The following ITPKB variants were observed in gnomAD, a reference collection of about 807,000 sequenced individuals.
ITPKB encodes the protein inositol-trisphosphate 3-kinase B, also known as IP3 3-kinase B.
Under a neutral mutation model 69.4 loss-of-function variants are expected in ITPKB, and 13 were observed. The ratio of observed to expected loss-of-function variants is 0.19; its 90% confidence interval spans 0.12 to 0.30. The LOEUF (loss-of-function observed/expected upper bound fraction) is 0.30, where lower values mean the gene tolerates loss of function less well. Among genes scored for constraint, ITPKB ranks in the 10% least tolerant of loss-of-function variants. The pLI is 1.00. For synonymous variants in ITPKB, 584 were observed against 513.7 expected, an observed-to-expected ratio of 1.14 and a Z score of -1.85; for missense variants, 1,240 against 1,250.5, an observed-to-expected ratio of 0.99 and a Z score of 0.13.
intron 4 of ITPKB, among the ~76,000 whole-genome samples, chr1:226,643,808 TACAC>T (rs1558300749): frequency 6.6e-6 from 1 of 150,378 alleles, no homozygotes; most frequent in African/African-American, 2.4e-5. Context: ...TGTGCGCACA[TACAC>T]ACACATGTGC....
intron 2 of ITPKB, among the ~76,000 whole-genome samples, chr1:226,723,304 C>T (rs765915315): frequency 5.3e-5 from 8 of 152,168 alleles, no homozygotes; most frequent in Non-Finnish European, 1.2e-4. Flanking sequence ...GCCAGGGTGA[C>T]GCACAGTGTA....
chr1:226,689,942 G>A (rs772785516), intron 2 of ITPKB, among the ~76,000 whole-genome samples: 42 of 152,272 alleles, frequency 2.8e-4, no homozygotes, highest in African/African-American at 8.4e-4. Flanking sequence ...CAAAGGACAT[G>A]ATCTCATTCC....
Position 226,641,361 on chromosome 1 carries a change from T to A in ITPKB, c.2451+560A>T, listed in dbSNP as rs148168791. 9.1e-3 allele frequency among the ~76,000 whole-genome samples: 1,385 copies of A among 152,146 alleles called. 25 individuals carry two copies. The highest frequency in any genetic ancestry group is 0.032 in the African/African-American group (1,322 of 41,484). On this transcript the variant is annotated intron_variant, in intron 5 of 7. Transcript: ENST00000429204. This position sits in a 1 kb window ranked among gnomAD's most constrained non-coding sequence, Gnocchi z 4.6. ...AAACCACAAACACAAAGTAAATATA[T>A]TAATTAGGGGAAAATTACATTTACT...
At chr1:226,649,272 A>AGTGTGCATGTGTGTGTGCGTGT (rs1488909166) in intron 2 of ITPKB, among the ~76,000 whole-genome samples, 16 of 146,870 alleles carry the variant, frequency 1.1e-4, no homozygotes, top group Admixed American at 1.0e-3. Context: ...CAGGACTGGG[A>AGTGTGCATGTGTGTGTGCGTGT]GTGTGCATGT....
In ITPKB at chr1:226,644,867, G is replaced by T. The variant is rs537785450; in HGVS notation, c.2246+2300C>A. Among the ~76,000 whole-genome samples, 4 of 152,340 alleles carry T rather than the reference G, an allele frequency of 2.6e-5. No individual in the cohort carries two copies. The East Asian group carries it at 7.7e-4, about 29-fold the overall frequency. On this transcript the variant is annotated intron_variant, in intron 4 of 7. Coordinates refer to ENST00000429204, the MANE Select transcript of ITPKB (RefSeq NM_002221.4). ...CTTGGGAGAGGCCCTGCAGCCAAGG[G>T]TTCTGGATGAACGCATTTGGGGGAA... is the stretch of plus-strand genomic sequence containing the variant.
At chr1:226,712,434 C>A (rs1462648457) in intron 2 of ITPKB, among the ~76,000 whole-genome samples, 2 of 152,218 alleles carry the variant, frequency 1.3e-5, no homozygotes. Flanking sequence ...GTGAAGAAAG[C>A]CGAGGCTGTG....
chr1:226,687,800 C>A (rs1235040873), intron 2 of ITPKB, among the ~76,000 whole-genome samples: 3 of 152,082 alleles, frequency 2.0e-5, no homozygotes, highest in Non-Finnish European at 4.4e-5. Context: ...TGTCCAGGGG[C>A]CTTTTGTGTG....
At chr1:226,640,460 C>G (rs1479789884) in intron 5 of ITPKB, among the ~76,000 whole-genome samples, 1 of 152,164 alleles carries the variant, frequency 6.6e-6, no homozygotes, top group Non-Finnish European at 1.5e-5. Flanking sequence ...GCCCTGGGTG[C>G]AGGAGGGGCC....
At chr1:226,707,646 A>G in intron 2 of ITPKB, 1 of 1,007,090 alleles carries the variant, frequency 9.9e-7, no homozygotes, top group Non-Finnish European at 1.2e-6. Context: ...GAGTAACTCA[A>G]GGCCATCATC....
At chr1:226,687,584 T>C (rs1457465433) in intron 2 of ITPKB, among the ~76,000 whole-genome samples, 1 of 152,196 alleles carries the variant, frequency 6.6e-6, no homozygotes, top group Non-Finnish European at 1.5e-5. Context: ...AAACCACATC[T>C]GCTTTTGCAC....
intron 2 of ITPKB, among the ~76,000 whole-genome samples, chr1:226,704,748 G>A (rs561134173): frequency 5.9e-5 from 9 of 152,330 alleles, no homozygotes; most frequent in African/African-American, 2.2e-4. Flanking sequence ...GCTGTGCCCA[G>A]TCTAAAACTA....
In ITPKB at chr1:226,735,812, G is replaced by T; in HGVS notation, c.1647C>A (p.Pro549=). The change falls in exon 2 of 8, where the codon CCC becomes CCA. Residue 549 remains proline, a synonymous_variant. Transcript: ENST00000429204. ...SDALPSPELL[P]QDPDKPFLRK... is the part of the protein sequence containing the mutation. ...TCAGGAAAGGCTTGTCCGGATCTTG[G>T]GGTAGCAGCTCCGGACTTGGGAGGG... 2 of 1,608,260 alleles carry T rather than the reference G, an allele frequency of 1.2e-6. No homozygotes were observed. Among genetic ancestry groups the T allele is most frequent in the Non-Finnish European group, 1.7e-6 (2 of 1,175,448 alleles).
intron 2 of ITPKB, among the ~76,000 whole-genome samples, chr1:226,715,511 C>T (rs749292761): frequency 2.6e-5 from 4 of 152,138 alleles, no homozygotes; most frequent in African/African-American, 4.8e-5. Context: ...TGTAAGTTCA[C>T]GGAAATTAAA....
chr1:226,670,595 G>A (rs1039950758), intron 2 of ITPKB, among the ~76,000 whole-genome samples: 1 of 152,182 alleles, frequency 6.6e-6, no homozygotes, highest in Non-Finnish European at 1.5e-5. Context: ...TAAGATTAAG[G>A]GGCAGGGAGC....
intron 2 of ITPKB, among the ~76,000 whole-genome samples, chr1:226,686,234 G>T (rs1656214249): frequency 6.6e-6 from 1 of 152,206 alleles, no homozygotes; most frequent in South Asian, 2.1e-4. Context: ...ATCTGCTCTT[G>T]AATCAACAGT....
intron 2 of ITPKB, among the ~76,000 whole-genome samples, chr1:226,715,530 C>T (rs933189369): frequency 2.6e-5 from 4 of 152,224 alleles, no homozygotes; most frequent in Admixed American, 2.0e-4. Flanking sequence ...AATTTTATAA[C>T]AATGATGCCA....
At chr1:226,649,618 G>C (rs764571514) in intron 2 of ITPKB, among the ~76,000 whole-genome samples, 18 of 152,232 alleles carry the variant, frequency 1.2e-4, no homozygotes, top group South Asian at 4.1e-4. Flanking sequence ...TGTTTGGGGA[G>C]AGCAGGCCCT....
chr1:226,736,720 C>G lies in ITPKB; in HGVS notation c.739G>C (p.Glu247Gln), dbSNP rs778524851. 100 of 1,612,828 alleles carry G rather than the reference C, an allele frequency of 6.2e-5. No homozygotes were observed. The Middle Eastern group carries it at 3.1e-3, about 51-fold the overall frequency. Residue 247 changes from glutamate (E) to glutamine (Q), a missense_variant, in exon 2 of 8, where the codon GAG becomes CAG. By Grantham distance (29) the Glu-to-Gln change is conservative (BLOSUM62 2). Transcript: ENST00000429204. ...LPGRAAPTGS[E>Q]AQGPSAFVRM... ...ACAAAAGCGGATGGACCCTGAGCCT[C>G]TGATCCTGTAGGGGCAGCCCGGCCG...
intron 2 of ITPKB, among the ~76,000 whole-genome samples, chr1:226,716,169 A>G (rs1470805750): frequency 6.6e-6 from 1 of 152,246 alleles, no homozygotes; most frequent in African/African-American, 2.4e-5. Flanking sequence ...ACTTCTAACC[A>G]GACGACTTAA....
Sources: gnomAD v4.1 joint callset for allele counts (sites outside exome capture counted in the v4.1 genomes callset) on GRCh38, gnomAD v4.1.1 for gene constraint, Gnocchi (gnomAD v3.1) non-coding constraint, MANE v1.5 for transcripts, NCBI Gene and HGNC (gene_info 2026-07-23, HGNC 2026-07-21) for gene names.